The following KIAA1549L variants were observed in gnomAD, a reference collection of about 807,000 sequenced individuals.
The protein encoded by KIAA1549L is UPF0606 protein KIAA1549L.
In KIAA1549L, 88 loss-of-function variants were observed where a neutral mutation model predicts 160.7. The ratio of observed to expected loss-of-function variants is 0.55; its 90% confidence interval spans 0.46 to 0.65. The LOEUF (loss-of-function observed/expected upper bound fraction) is 0.65, where lower values mean the gene tolerates loss of function less well. Ranked by LOEUF, KIAA1549L falls within the 30% of genes least tolerant of loss-of-function variation. The pLI is 0.00. For synonymous variants in KIAA1549L, 950 were observed against 976.7 expected (o/e 0.97, Z 0.51); for missense variants, 2,258 against 2,437.5 (o/e 0.93, Z 1.55).
At chr11:33,461,906 A>T (rs1006800847) in intron 1 of KIAA1549L, among the ~76,000 whole-genome samples, 3 of 152,202 alleles carry the variant, frequency 2.0e-5, no homozygotes, top group African/African-American at 7.2e-5. Flanking sequence ...CCAGGGCTAT[A>T]TGCCTCATCA....
chr11:33,513,633 G>A (rs1034540085), intron 1 of KIAA1549L, among the ~76,000 whole-genome samples: 17 of 152,058 alleles, frequency 1.1e-4, no homozygotes, highest in African/African-American at 3.9e-4. Flanking sequence ...TGCTGCAAGT[G>A]GCAGCTTGCA....
chr11:33,499,457 G>A (rs1018930738), intron 1 of KIAA1549L, among the ~76,000 whole-genome samples: 1 of 152,190 alleles, frequency 6.6e-6, no homozygotes, highest in Non-Finnish European at 1.5e-5. Flanking sequence ...TTCTTTGAAA[G>A]TAGGGTATGT....
At chr11:33,585,105 C>T (rs560511129) in intron 11 of KIAA1549L, among the ~76,000 whole-genome samples, 1 of 152,280 alleles carries the variant, frequency 6.6e-6, no homozygotes, top group South Asian at 2.1e-4. Context: ...AGCCAAATGC[C>T]AAAGCGAGTT....
intron 16 of KIAA1549L, among the ~76,000 whole-genome samples, chr11:33,641,788 AGG>A: frequency 2.6e-5 from 4 of 151,762 alleles, no homozygotes; most frequent in African/African-American, 7.2e-5. Flanking sequence ...AGTTCTTATA[AGG>A]ACAAAAAGAG....
intron 1 of KIAA1549L, among the ~76,000 whole-genome samples, chr11:33,493,561 C>T (rs1240374276): frequency 6.6e-6 from 1 of 152,168 alleles, no homozygotes; most frequent in East Asian, 1.9e-4. Context: ...ATTCCTGAGT[C>T]ATGTGGAGTG....
intron 1 of KIAA1549L, among the ~76,000 whole-genome samples, chr11:33,416,963 G>T (rs186675664): frequency 6.6e-5 from 10 of 152,226 alleles, no homozygotes; most frequent in African/African-American, 2.4e-4. Context: ...GGTGACATTA[G>T]AGGGGTCACA....
chr11:33,666,053 G>A (rs1242141859), intron 20 of KIAA1549L, among the ~76,000 whole-genome samples: 3 of 152,154 alleles, frequency 2.0e-5, no homozygotes, highest in Admixed American at 1.3e-4. Context: ...GGGTGGGGTG[G>A]TTGTAGCAGT....
intron 4 of KIAA1549L, 113 bp from the exon 5 acceptor site, chr11:33,550,927 A>G: frequency 3.5e-6 from 3 of 858,124 alleles, no homozygotes; most frequent in Non-Finnish European, 5.9e-6. Flanking sequence ...TTGAACGAGA[A>G]CATTCTATTC....
At chr11:33,419,857 TATACATACATACATACATACATAC>T (rs60868652) in intron 1 of KIAA1549L, among the ~76,000 whole-genome samples, 1 of 136,374 alleles carries the variant, frequency 7.3e-6, no homozygotes, top group Non-Finnish European at 1.6e-5. Flanking sequence ...AAAAAAATGT[TATACATACATACATACATACATAC>T]ATACATACAT....
In KIAA1549L at chr11:33,598,843, CT is replaced by C; in HGVS notation, c.4776del (p.Val1593SerfsTer19). The part of the protein sequence containing the change: ...RKSRSPSENG[S>X]VISNESGKPS... Reference sequence around the variant, plus strand: ...AGCAGGTCGCCCAGTGAGAATGGCTCTGTCATCAGCAACGAATCAGGGAAGC... The same window carrying C: ...AGCAGGTCGCCCAGTGAGAATGGCTCGTCATCAGCAACGAATCAGGGAAGC... On this transcript the variant is annotated frameshift_variant, in exon 13 of 21. Coordinates refer to ENST00000658780, the MANE Select transcript of KIAA1549L (RefSeq NM_012194.3). LOFTEE classifies it high-confidence loss of function. 6.2e-7 allele frequency: 1 copy of C among 1,613,966 alleles called. No homozygotes were observed. The highest frequency in any genetic ancestry group is 1.1e-5 in the South Asian group (1 of 91,082).
chr11:33,645,923 C>G lies in KIAA1549L; in HGVS notation c.5647C>G (p.Pro1883Ala). 1 of 1,613,256 alleles carries G rather than the reference C, an allele frequency of 6.2e-7. No homozygotes were observed. The highest frequency in any genetic ancestry group is 8.5e-7 in the Non-Finnish European group (1 of 1,179,572). ...QEAYGSAQHLPYSEVVTSAPG... is the reference protein window; with the variant it reads ...QEAYGSAQHLAYSEVVTSAPG... Reference sequence around the variant, plus strand: ...GGCCTACGGCTCAGCCCAGCACCTGCCCTATTCGGAGGTGGTGACCAGCGC... The same window carrying G: ...GGCCTACGGCTCAGCCCAGCACCTGGCCTATTCGGAGGTGGTGACCAGCGC... Residue 1883 changes from proline to alanine, a missense_variant, in exon 17 of 21, where the codon CCC becomes GCC. By Grantham distance (27) the Pro-to-Ala change is conservative. Transcript: ENST00000658780.
chr11:33,506,140 C>T (rs1853080842), intron 1 of KIAA1549L, among the ~76,000 whole-genome samples: 1 of 152,186 alleles, frequency 6.6e-6, no homozygotes, highest in Admixed American at 6.5e-5. Context: ...ACTTGTTATG[C>T]TGACTTACCC....
intron 13 of KIAA1549L, chr11:33,599,569 A>G (rs1043601752): frequency 1.3e-5 from 2 of 152,078 alleles, no homozygotes; most frequent in East Asian, 3.8e-4. Context: ...AAGCTGAACT[A>G]CTTAGTTTCT....
Position 33,673,844 on chromosome 11 carries a change from A to G in KIAA1549L, c.*5690A>G, listed in dbSNP as rs988699542. The G allele has an allele frequency of 1.3e-5, 2 of 152,178 alleles. No homozygotes were observed. The highest frequency in any genetic ancestry group is 1.3e-4 in the Admixed American group (2 of 15,282). The allele number at this position is 152,178 out of a possible 1,614,324, so 9.4% of individuals were successfully genotyped here. ...GTTGCTGTTATTGTCCTTGTTGTCT[A>G]TGATTTGGAGGATATGTAAGTACTT... On this transcript the variant is annotated 3_prime_UTR_variant, in exon 21 of 21. Transcript: ENST00000658780.
At chr11:33,577,506 G>A (rs1291269980) in intron 10 of KIAA1549L, among the ~76,000 whole-genome samples, 1 of 152,184 alleles carries the variant, frequency 6.6e-6, no homozygotes, top group African/African-American at 2.4e-5. Context: ...CTGGTGCACG[G>A]GTGAAGGGGT....
Position 33,569,791 on chromosome 11 carries a change from C to G in KIAA1549L, c.4230+1564C>G, listed in dbSNP as rs140254322. Among the ~76,000 whole-genome samples the G allele has an allele frequency of 4.3e-3, 655 of 152,224 alleles. 4 individuals are homozygous for G. The highest frequency in any genetic ancestry group is 7.6e-3 in the Admixed American group (116 of 15,292). ...CTTGCGTGTCAGGTTTGTGATTTCTCCTTTGTAGGTTCCATGTGAGCTCTA... is the reference window on the plus strand; with the variant it reads ...CTTGCGTGTCAGGTTTGTGATTTCTGCTTTGTAGGTTCCATGTGAGCTCTA... On this transcript the variant is annotated intron_variant, in intron 9 of 20. Coordinates refer to ENST00000658780, the MANE Select transcript of KIAA1549L (RefSeq NM_012194.3).
chr11:33,611,295 T>C (rs1850642698), intron 15 of KIAA1549L, among the ~76,000 whole-genome samples: 1 of 132,800 alleles, frequency 7.5e-6, no homozygotes, highest in Admixed American at 7.8e-5. Context: ...AGACACATTC[T>C]CCACAGACTG....
At chr11:33,432,369 G>A (rs1245978890) in intron 1 of KIAA1549L, among the ~76,000 whole-genome samples, 3 of 152,174 alleles carry the variant, frequency 2.0e-5, no homozygotes, top group Non-Finnish European at 4.4e-5. Context: ...TTAGGATTTG[G>A]TTTTGGTAAA....
chr11:33,637,702 C>T (rs941808515), intron 16 of KIAA1549L, among the ~76,000 whole-genome samples: 3 of 152,164 alleles, frequency 2.0e-5, no homozygotes, highest in Admixed American at 1.3e-4. Context: ...TATGAAAGGC[C>T]ATCTCTTCCC....
Sources: gnomAD v4.1 joint callset for allele counts (sites outside exome capture counted in the v4.1 genomes callset) on GRCh38, gnomAD v4.1.1 for gene constraint, MANE v1.5 for transcripts, NCBI Gene and HGNC (gene_info 2026-07-23, HGNC 2026-07-21) for gene names.